TDP1: variants seen among roughly 807,000 people sequenced by gnomAD.
TDP1 encodes the protein tyr-DNA phosphodiesterase 1.
A neutral mutation model predicts 81.5 loss-of-function variants in TDP1; 64 were observed. That is an observed-to-expected ratio of 0.79 (90% CI 0.64 to 0.97). The LOEUF (loss-of-function observed/expected upper bound fraction) is 0.97, where lower values mean the gene tolerates loss of function less well. Among genes scored for constraint, TDP1 ranks in the 50% least tolerant of loss-of-function variants. TDP1 has a pLI of 0.00. For synonymous variants in TDP1, 256 were observed against 264.3 expected, an observed-to-expected ratio of 0.97 and a Z score of 0.30; for missense variants, 723 against 743.8, an observed-to-expected ratio of 0.97 and a Z score of 0.33.
At chr14:90,010,575 C>T (rs895316848) in intron 14 of TDP1, among the ~76,000 whole-genome samples, 2 of 151,858 alleles carry the variant, frequency 1.3e-5, no homozygotes, top group East Asian at 1.9e-4. Flanking sequence ...AGGGACAAGT[C>T]GAGAGAGAGA....
At chr14:89,962,740 C>T (rs1036950853) in intron 2 of TDP1, 15 of 172,756 alleles carry the variant, frequency 8.7e-5, no homozygotes, top group Non-Finnish European at 1.3e-4. Flanking sequence ...GACGTGATGG[C>T]GTGCACCTGT....
At chr14:89,960,652 T>A (rs1892219733) in intron 2 of TDP1, among the ~76,000 whole-genome samples, 1 of 152,206 alleles carries the variant, frequency 6.6e-6, no homozygotes, top group Non-Finnish European at 1.5e-5. Flanking sequence ...AGGCTTTGGC[T>A]GTGAGATAGT....
Position 90,043,958 on chromosome 14 carries a change from C to T in TDP1, c.*815C>T, listed in dbSNP as rs1036430545. On this transcript the variant is annotated 3_prime_UTR_variant, in exon 17 of 17. Coordinates refer to ENST00000335725, the MANE Select transcript of TDP1 (RefSeq NM_018319.4). ...TTTCTGAGTACGTCTCTTGGGGTCGCTGGAGGTGATCCTAGGATCTGTCTC... is the reference window on the plus strand; with the variant it reads ...TTTCTGAGTACGTCTCTTGGGGTCGTTGGAGGTGATCCTAGGATCTGTCTC... 2 of 152,264 alleles carry T rather than the reference C, an allele frequency of 1.3e-5. No homozygotes were observed. Among genetic ancestry groups the T allele is most frequent in the African/African-American group, 2.4e-5 (1 of 41,450 alleles). The allele number at this position is 152,264 out of a possible 1,614,324, so 9.4% of individuals were successfully genotyped here. A position where few individuals can be genotyped will look rare whatever the true frequency, so the allele number is the denominator to read the frequency against.
At chr14:90,027,814 A>G (rs1466504047) in intron 15 of TDP1, among the ~76,000 whole-genome samples, 2 of 152,318 alleles carry the variant, frequency 1.3e-5, no homozygotes, top group Admixed American at 6.5e-5. Context: ...CTCATGTGAG[A>G]TCAAGAGTTA....
chr14:90,041,343 C>T (rs1320487428), intron 16 of TDP1, among the ~76,000 whole-genome samples: 1 of 152,192 alleles, frequency 6.6e-6, no homozygotes, highest in African/African-American at 2.4e-5. Flanking sequence ...GGCTCTCTAA[C>T]AAGCTTGTTT....
At position 89,998,406 on chromosome 14, in the gene TDP1, A is replaced by G. The variant is rs61457744; in HGVS notation, c.1541+4923A>G. The stretch of plus-strand genomic sequence containing the variant: ...TATATATATATATATATATATATAT[A>G]TATATATATATATATATGTATGTAT... On this transcript the variant is annotated intron_variant, in intron 14 of 16. Transcript: ENST00000335725. Among the ~76,000 whole-genome samples the G allele has an allele frequency of 1.7e-4, 18 of 107,622 alleles. 1 individual carries two copies. Among genetic ancestry groups the G allele is most frequent in the African/African-American group, 7.8e-4 (17 of 21,684 alleles). 70.6% of individuals were successfully genotyped at this position (107,622 alleles called of 152,430 possible). A position where few individuals can be genotyped will look rare whatever the true frequency, so the allele number is the denominator to read the frequency against.
intron 7 of TDP1, among the ~76,000 whole-genome samples, chr14:89,977,378 A>C (rs1471682960): frequency 1.3e-5 from 2 of 151,360 alleles, no homozygotes; most frequent in East Asian, 3.9e-4. Context: ...GCTCGTTACA[A>C]CCTCCGCCTC....
At chr14:89,976,637 A>G (rs556052584) in intron 7 of TDP1, among the ~76,000 whole-genome samples, 55 of 150,290 alleles carry the variant, frequency 3.7e-4, no homozygotes, top group African/African-American at 1.1e-3. Context: ...CCTGGGTTCA[A>G]ACGATTCTCC....
chr14:90,013,560 A>G (rs1884971030), intron 14 of TDP1, among the ~76,000 whole-genome samples: 1 of 152,240 alleles, frequency 6.6e-6, no homozygotes, highest in Non-Finnish European at 1.5e-5. Context: ...CTGTGAGCCC[A>G]TTAAACATCC....
At chr14:89,970,453 G>T (rs1893487738) in intron 5 of TDP1, among the ~76,000 whole-genome samples, 1 of 152,100 alleles carries the variant, frequency 6.6e-6, no homozygotes, top group South Asian at 2.1e-4. Flanking sequence ...GAATATAGAT[G>T]TGGTGTGAAA....
In TDP1 at chr14:89,975,853, A is replaced by G. The variant is rs35017384; in HGVS notation, c.791+38A>G. 11,816 of 1,564,924 alleles carry G rather than the reference A, an allele frequency of 7.6e-3. 717 individuals are homozygous for G. The African/African-American group carries it at 0.13, about 18-fold the overall frequency. On this transcript the variant is annotated intron_variant, in intron 7 of 16. Transcript: ENST00000335725. ...TGTGAAATAGGGGAACCCCTCAAGC[A>G]TTGTCATTTGTCCATTACACGGTTA...
chr14:90,009,249 T>C (rs967144372), intron 14 of TDP1, among the ~76,000 whole-genome samples: 1 of 152,210 alleles, frequency 6.6e-6, no homozygotes, highest in African/African-American at 2.4e-5. Flanking sequence ...TTCAAGAACC[T>C]GGAACCAATG....
At chr14:90,017,055 G>T (rs184798912) in intron 14 of TDP1, among the ~76,000 whole-genome samples, 1 of 152,178 alleles carries the variant, frequency 6.6e-6, no homozygotes, top group Admixed American at 6.5e-5. Context: ...TGGTGAAAAC[G>T]AGTTTTCAAC....
chr14:90,009,360 A>C (rs1389011982), intron 14 of TDP1, among the ~76,000 whole-genome samples: 1 of 152,248 alleles, frequency 6.6e-6, no homozygotes, highest in East Asian at 1.9e-4. Context: ...GGTTGAAAGC[A>C]GAAAGGAAGC....
intron 5 of TDP1, among the ~76,000 whole-genome samples, chr14:89,968,742 C>T (rs1248683036): frequency 6.6e-6 from 1 of 152,154 alleles, no homozygotes; most frequent in Non-Finnish European, 1.5e-5. Context: ...GTTCTTCCTC[C>T]CTTTTCTTAA....
At position 90,013,477 on chromosome 14, in the gene TDP1, C is replaced by A. The variant is rs183530300; in HGVS notation, c.1542-5839C>A. Among the ~76,000 whole-genome samples the A allele has an allele frequency of 1.5e-3, 235 of 152,256 alleles. 2 individuals carry two copies. The highest frequency in any genetic ancestry group is 5.3e-3 in the African/African-American group (221 of 41,538). On this transcript the variant is annotated intron_variant, in intron 14 of 16. Transcript: ENST00000335725. ...TCCCTGCACACGCTCTCTTGCCTGC[C>A]GCCATGTAAGATGTGCCTTTGCTCC...
intron 14 of TDP1, among the ~76,000 whole-genome samples, chr14:89,997,469 T>C (rs1277031094): frequency 6.6e-6 from 1 of 152,180 alleles, no homozygotes; most frequent in Non-Finnish European, 1.5e-5. Flanking sequence ...GGGATGATGG[T>C]GAATTTGATT....
chr14:90,007,150 A>G (rs980249306), intron 14 of TDP1, among the ~76,000 whole-genome samples: 3 of 152,236 alleles, frequency 2.0e-5, no homozygotes, highest in African/African-American at 7.2e-5. Context: ...CCTTTCAAAC[A>G]AATTCAGTTT....
chr14:90,005,174 TA>T (rs1897551984), intron 14 of TDP1, among the ~76,000 whole-genome samples: 1 of 152,180 alleles, frequency 6.6e-6, no homozygotes, highest in African/African-American at 2.4e-5. Flanking sequence ...GCCACACTCT[TA>T]AGACATTTGT....
Sources: gnomAD v4.1 joint callset for allele counts (sites outside exome capture counted in the v4.1 genomes callset) on GRCh38, gnomAD v4.1.1 for gene constraint, MANE v1.5 for transcripts, NCBI Gene and HGNC (gene_info 2026-07-23, HGNC 2026-07-21) for gene names.